The following ASPM variants were observed in gnomAD, a reference collection of about 807,000 sequenced individuals.
The protein encoded by ASPM is abnormal spindle-like microcephaly-associated protein.
ASPM carries 256 observed loss-of-function variants against 366.4 expected under a neutral mutation model. The observed-to-expected ratio is 0.70, with a 90% CI of 0.63 to 0.77. The LOEUF is 0.77. Ranked by LOEUF, ASPM falls within the 30% of genes least tolerant of loss-of-function variation. The pLI, the probability that ASPM is intolerant of heterozygous loss-of-function variation, is 0.00. For synonymous variants in ASPM, 1,414 were observed against 1,342.9 expected (o/e 1.05, Z -1.16); for missense variants, 4,146 against 4,090.4 (o/e 1.01, Z -0.37).
At chr1:197,096,751 A>G (rs1217314975) in intron 18 of ASPM, among the ~76,000 whole-genome samples, 2 of 151,792 alleles carry the variant, frequency 1.3e-5, no homozygotes, top group Non-Finnish European at 1.5e-5. Flanking sequence ...GGTAGATAAT[A>G]CTATTATCTC....
intron 3 of ASPM, among the ~76,000 whole-genome samples, chr1:197,140,996 T>A (rs770862848): frequency 6.6e-6 from 1 of 152,054 alleles, no homozygotes; most frequent in Non-Finnish European, 1.5e-5. Context: ...CAGTAGCAAA[T>A]AACCTATTGG....
intron 5 of ASPM, among the ~76,000 whole-genome samples, chr1:197,134,456 C>T (rs1205672084): frequency 5.3e-5 from 8 of 151,966 alleles, no homozygotes; most frequent in Admixed American, 3.9e-4. Context: ...GCTTCTCTGA[C>T]AAAAATAAAT....
In ASPM at chr1:197,105,160, C is replaced by T. The variant is rs769825184; in HGVS notation, c.4091G>A (p.Arg1364Lys). 6.2e-7 allele frequency: 1 copy of T among 1,607,258 alleles called. No homozygotes were observed. Among genetic ancestry groups the T allele is most frequent in the African/African-American group, 1.3e-5 (1 of 74,766 alleles). ...ATATTTCAATTTCAGAAATCTTTGT[C>T]TAGTGGAATATCTTCTCCAATATCC... ...IQGYWRRYST[R>K]QRFLKLKYYS... Residue 1364 changes from arginine (R) to lysine (K), a missense_variant, in exon 18 of 28, where the codon AGA becomes AAA. By Grantham distance (26) the Arg-to-Lys change is conservative. Transcript: ENST00000367409.
At position 197,101,247 on chromosome 1, in the gene ASPM, T is replaced by C. The variant is rs1242167300; in HGVS notation, c.8004A>G (p.Ala2668=). ...YRKLTAVRTQ[A]VICIQSYYRG... is the part of the protein sequence containing the mutation. Reference sequence around the variant, plus strand: ...TGTAATAAGACTGTATACAAATAACTGCTTGGGTACGCACTGCAGTTAGTT... The same window carrying C: ...TGTAATAAGACTGTATACAAATAACCGCTTGGGTACGCACTGCAGTTAGTT... Residue 2668 remains alanine, a synonymous_variant, in exon 18 of 28, where the codon GCA becomes GCG. Transcript: ENST00000367409. 3.7e-6 allele frequency: 6 copies of C among 1,612,188 alleles called. No homozygotes were observed. The highest frequency in any genetic ancestry group is 5.1e-6 in the Non-Finnish European group (6 of 1,178,990).
Position 197,143,798 on chromosome 1 carries a change from C to T in ASPM, c.454G>A (p.Asp152Asn), listed in dbSNP as rs1367729169. The change falls in exon 3 of 28, where the codon GAT becomes AAT. Residue 152 changes from aspartate to asparagine, a missense_variant. Physicochemically the swap from Asp to Asn is conservative, Grantham distance 23. Transcript: ENST00000367409. The stretch of plus-strand genomic sequence containing the variant: ...GAAATTTTCTTCTTTTTAATGGTAT[C>T]CCAAAGACTCCTCTGCAAAAATAAG... ...EQKKKKRSLW[D>N]TIKKKKISAS... 1 of 1,612,146 alleles carries T rather than the reference C, an allele frequency of 6.2e-7. No homozygotes were observed. Among genetic ancestry groups the T allele is most frequent in the Non-Finnish European group, 8.5e-7 (1 of 1,179,424 alleles).
intron 27 of ASPM, among the ~76,000 whole-genome samples, chr1:197,084,976 C>T (rs1210852220): frequency 6.7e-6 from 1 of 148,662 alleles, no homozygotes; most frequent in African/African-American, 2.5e-5. Flanking sequence ...TGAACCAGTT[C>T]TTCTACCCCA....
chr1:197,105,349 G>A (rs1571603349), intron 17 of ASPM, among the ~76,000 whole-genome samples, 164 bp from the exon 18 acceptor site: 2 of 151,826 alleles, frequency 1.3e-5, no homozygotes, highest in South Asian at 4.1e-4. Context: ...TTTAGTTTAG[G>A]TTTTACATTG....
At position 197,100,997 on chromosome 1, in the gene ASPM, T is replaced by C; in HGVS notation, c.8254A>G (p.Met2752Val). The change falls in exon 18 of 28, where the codon ATG (methionine) becomes GTG (valine). Residue 2752 changes from methionine (M) to valine (V), a missense_variant. Physicochemically the swap from Met to Val is conservative, Grantham distance 21. Coordinates refer to ENST00000367409, the MANE Select transcript of ASPM (RefSeq NM_018136.5). Reference protein sequence around the residue: ...VRTIQAAFRGMKVRQKLKNVS... With the variant: ...VRTIQAAFRGVKVRQKLKNVS... Reference sequence around the variant, plus strand: ...TTTTTCAATTTTTGTCTAACTTTCATGCCTCTAAAAGCAGCCTGAATAGTT... The same window carrying C: ...TTTTTCAATTTTTGTCTAACTTTCACGCCTCTAAAAGCAGCCTGAATAGTT... 1 of 1,612,532 alleles carries C rather than the reference T, an allele frequency of 6.2e-7. No individual in the cohort carries two copies. The highest frequency in any genetic ancestry group is 8.5e-7 in the Non-Finnish European group (1 of 1,179,134).
chr1:197,138,856 G>GT, intron 4 of ASPM: 7 of 909,220 alleles, frequency 7.7e-6, no homozygotes, highest in Non-Finnish European at 7.2e-6. Context: ...CCTTCCAGTT[G>GT]TTTTTTCTCT....
At position 197,088,273 on chromosome 1, in the gene ASPM, T is replaced by C. The variant is rs759672320; in HGVS notation, c.10144A>G (p.Thr3382Ala). 6.8e-6 allele frequency: 11 copies of C among 1,613,076 alleles called. No individual in the cohort carries two copies. The highest frequency in any genetic ancestry group is 1.3e-5 in the African/African-American group (1 of 74,822). ...TCCLLAILLK[T>A]TNRASDVRSR... ...ATACTTACAGAGGCTCTATTTGTTG[T>C]CTTCAGTAAAATAGCCAACAAACAA... Residue 3382 changes from threonine (T) to alanine (A), a missense_variant, in exon 26 of 28, where the codon ACA becomes GCA. Thr to Ala is a moderately conservative substitution (Grantham distance 58). This residue lies in a region of ASPM where 3,624 missense variants were observed against 3,591.7 expected (regional missense o/e 1.01). Transcript: ENST00000367409.
In ASPM at chr1:197,135,153, A is replaced by C; in HGVS notation, c.2116T>G (p.Trp706Gly). 3.1e-6 allele frequency: 5 copies of C among 1,612,668 alleles called. No individual in the cohort carries two copies. The highest frequency in any genetic ancestry group is 4.2e-6 in the Non-Finnish European group (5 of 1,178,724). Reference protein sequence around the residue: ...KEKQEQGFTWWLNFILTPDDF... With the variant: ...KEKQEQGFTWGLNFILTPDDF... ...TCAGGGGTTAATATAAAATTTAACCACCAAGTGAAGCCCTGTTCCTGCTTT... is the reference window on the plus strand; with the variant it reads ...TCAGGGGTTAATATAAAATTTAACCCCCAAGTGAAGCCCTGTTCCTGCTTT... Residue 706 changes from tryptophan to glycine, a missense_variant, in exon 5 of 28, where the codon TGG becomes GGG. Physicochemically the swap from Trp to Gly is radical, Grantham distance 184 (BLOSUM62 -2). Around this residue, in one of 3 missense-constraint regions of ASPM, gnomAD observed 3,624 missense variants for 3,591.7 expected, o/e 1.01. Coordinates refer to ENST00000367409, the MANE Select transcript of ASPM (RefSeq NM_018136.5).
intron 7 of ASPM, among the ~76,000 whole-genome samples, chr1:197,130,927 A>C (rs540095117): frequency 6.6e-6 from 1 of 152,326 alleles, no homozygotes; most frequent in East Asian, 1.9e-4. Context: ...AGGTTTTAAA[A>C]AGCATTGCAA....
Position 197,129,902 on chromosome 1 carries a change from C to T in ASPM, c.2629+13G>A, listed in dbSNP as rs1186124942. On this transcript the variant is annotated intron_variant, in intron 8 of 27. Transcript: ENST00000367409. ...TAATGTGGAGAGAATGTAGGAGAGG[C>T]AGAGATACTTACCATCTCTATACAG... 7.5e-6 allele frequency: 12 copies of T among 1,607,294 alleles called. No individual in the cohort carries two copies. The highest frequency in any genetic ancestry group is 1.0e-5 in the Non-Finnish European group (12 of 1,173,970).
intron 4 of ASPM, among the ~76,000 whole-genome samples, 160 bp from the exon 5 acceptor site, chr1:197,135,402 A>C (rs182360413): frequency 1.7e-4 from 26 of 152,326 alleles, no homozygotes; most frequent in Non-Finnish European, 2.6e-4. Flanking sequence ...TTTGGGTAAG[A>C]AATGTAATCA....
Position 197,117,842 on chromosome 1 carries a change from A to T in ASPM, c.4012T>A (p.Leu1338Ile). Residue 1338 changes from leucine (L) to isoleucine (I), a missense_variant, in exon 17 of 28, where the codon TTA (leucine) becomes ATA (isoleucine). This residue lies in a region of ASPM where 3,624 missense variants were observed against 3,591.7 expected (regional missense o/e 1.01). Coordinates refer to ENST00000367409, the MANE Select transcript of ASPM (RefSeq NM_018136.5). ...ACTTTTTCCAGCTTTTCCTTTTTTA[A>T]CATTAATAATTTTCTCTGTGCTAAG... ...RVLAQRKLLM[L>I]KKEKLEKVQN... 1 of 1,613,134 alleles carries T rather than the reference A, an allele frequency of 6.2e-7. No homozygotes were observed. Among genetic ancestry groups the T allele is most frequent in the Non-Finnish European group, 8.5e-7 (1 of 1,179,470 alleles).
intron 17 of ASPM, 39 bp downstream of exon 17, chr1:197,117,750 A>C (rs1009029705): frequency 3.2e-6 from 5 of 1,553,648 alleles, no homozygotes; most frequent in Non-Finnish European, 4.4e-6. Context: ...AAAGTCATTA[A>C]AATTTTTTAA....
At position 197,142,613 on chromosome 1, in the gene ASPM, T is replaced by C. The variant is rs1658625057; in HGVS notation, c.1639A>G (p.Ile547Val). ...EKEDFHSYLP[I>V]IDPILSKSKS... ...GATTTACTTAATATTGGATCTATAA[T>C]TGGAAGATAAGAATGAAAATCTTCT... Residue 547 changes from isoleucine to valine, a missense_variant, in exon 3 of 28, where the codon ATT (isoleucine) becomes GTT (valine). Physicochemically the swap from Ile to Val is conservative, Grantham distance 29 (BLOSUM62 3). Transcript: ENST00000367409. 1.9e-6 allele frequency: 3 copies of C among 1,612,706 alleles called. No individual in the cohort carries two copies. Among genetic ancestry groups the C allele is most frequent in the Admixed American group, 1.7e-5 (1 of 59,980 alleles).
chr1:197,121,844 A>G, intron 16 of ASPM, 71 bp downstream of exon 16: 1 of 1,501,936 alleles, frequency 6.7e-7, no homozygotes, highest in Non-Finnish European at 9.2e-7. Flanking sequence ...GTAAAATCAT[A>G]TCAAAAATCA....
At chr1:197,106,688 T>C (rs564473132) in intron 17 of ASPM, among the ~76,000 whole-genome samples, 8 of 152,090 alleles carry the variant, frequency 5.3e-5, no homozygotes, top group African/African-American at 1.9e-4. Context: ...ACCATTGTCA[T>C]ACAATTCTTA....
Sources: gnomAD v4.1 joint callset for allele counts (sites outside exome capture counted in the v4.1 genomes callset) on GRCh38, gnomAD v4.1.1 for gene constraint, gnomAD v4.1.1 regional missense constraint, MANE v1.5 for transcripts, NCBI Gene and HGNC (gene_info 2026-07-23, HGNC 2026-07-21) for gene names.